TOPBP1: variants seen among roughly 807,000 people sequenced by gnomAD.
The protein encoded by TOPBP1 is DNA topoisomerase II binding protein 1.
Under a neutral mutation model 167.7 loss-of-function variants are expected in TOPBP1, and 28 were observed. The observed-to-expected ratio is 0.17, with a 90% CI of 0.12 to 0.23. The LOEUF is 0.23. TOPBP1 is among the 10% of genes least tolerant of loss of function. The probability of loss-of-function intolerance (pLI) is 1.00; values close to 1 mark genes in which losing one functional copy is unlikely to be tolerated. For synonymous variants in TOPBP1, 598 were observed against 611.4 expected, an observed-to-expected ratio of 0.98 and a Z score of 0.32; for missense variants, 1,554 against 1,809.6, an observed-to-expected ratio of 0.86 and a Z score of 2.56.
At chr3:133,661,233 A>C in intron 1 of TOPBP1, 99 bp from the exon 2 acceptor site, 1 of 817,180 alleles carries the variant, frequency 1.2e-6, no homozygotes, top group Non-Finnish European at 1.8e-6. Flanking sequence ...AGAATGCCTA[A>C]AGACAGACAT....
chr3:133,622,491 C>A (rs1033880707), intron 19 of TOPBP1, among the ~76,000 whole-genome samples: 2 of 151,730 alleles, frequency 1.3e-5, no homozygotes, highest in Non-Finnish European at 2.9e-5. Flanking sequence ...CCATGCCCAG[C>A]CTATGTGTTT....
At chr3:133,616,180 C>T (rs1934871596) in intron 23 of TOPBP1, among the ~76,000 whole-genome samples, 4 of 149,970 alleles carry the variant, frequency 2.7e-5, no homozygotes, top group Admixed American at 6.7e-5. Flanking sequence ...AGTACAGTGG[C>T]GCTATCTTGG....
Position 133,618,281 on chromosome 3 carries a change from A to C in TOPBP1, c.3524T>G (p.Val1175Gly), listed in dbSNP as rs768776895. 27 of 1,613,868 alleles carry C rather than the reference A, an allele frequency of 1.7e-5. No homozygotes were observed. Among genetic ancestry groups the C allele is most frequent in the Non-Finnish European group, 2.3e-5 (27 of 1,179,876 alleles). ...AGAATCCTCCAAGTTTTGAATGTCA[A>C]CCTGAAGCTCAGAGTATTGTGTGGG... ...SCPTQYSELQ[V>G]DIQNLEDSPF... Residue 1175 changes from valine to glycine, a missense_variant, in exon 21 of 28, where the codon GTT becomes GGT. Physicochemically the swap from Val to Gly is moderately radical, Grantham distance 109. This residue lies in a region of TOPBP1 where 351 missense variants were observed against 432.9 expected (regional missense o/e 0.81). Coordinates refer to ENST00000260810, the MANE Select transcript of TOPBP1 (RefSeq NM_007027.4).
At chr3:133,658,836 A>G (rs761696236) in intron 3 of TOPBP1, among the ~76,000 whole-genome samples, 180 bp downstream of exon 3, 2 of 152,122 alleles carry the variant, frequency 1.3e-5, no homozygotes, top group Non-Finnish European at 2.9e-5. Flanking sequence ...CAAACAAACA[A>G]ACAAAAAAAG....
intron 14 of TOPBP1, among the ~76,000 whole-genome samples, chr3:133,633,987 A>G (rs987254299): frequency 1.3e-5 from 2 of 152,172 alleles, no homozygotes; most frequent in Admixed American, 6.5e-5. Context: ...TCTAATAGGC[A>G]TCTCAAACTT....
At chr3:133,661,592 G>C (rs9865536) in intron 1 of TOPBP1, among the ~76,000 whole-genome samples, 177 bp downstream of exon 1, 12,396 of 152,272 alleles carry the variant, frequency 0.081, 519 homozygotes, top group Middle Eastern at 0.13. Context: ...CCATCTCCAG[G>C]AAAAGGCCTG....
At chr3:133,628,261 T>C (rs1935332512) in intron 16 of TOPBP1, 101 bp downstream of exon 16, 3 of 1,102,312 alleles carry the variant, frequency 2.7e-6, no homozygotes, top group African/African-American at 1.6e-5. Flanking sequence ...TAAAGATGCA[T>C]GAAACAAAAT....
chr3:133,640,982 G>A (rs908668654), intron 12 of TOPBP1, among the ~76,000 whole-genome samples: 2 of 152,168 alleles, frequency 1.3e-5, no homozygotes, highest in African/African-American at 4.8e-5. Flanking sequence ...TCTACGACTT[G>A]AGATTGAACA....
chr3:133,642,945 A>AATGTCC (rs1395153243), intron 12 of TOPBP1, among the ~76,000 whole-genome samples: 1 of 152,190 alleles, frequency 6.6e-6, no homozygotes, highest in Non-Finnish European at 1.5e-5. Flanking sequence ...GTCACAACTT[A>AATGTCC]AACACTATTT....
At chr3:133,649,987 C>T (rs1464793542) in intron 8 of TOPBP1, 44 bp from the exon 9 acceptor site, 3 of 1,441,084 alleles carry the variant, frequency 2.1e-6, no homozygotes, top group African/African-American at 2.9e-5. Context: ...TGCTTTCTCT[C>T]AATAGAAAAA....
chr3:133,655,018 C>A (rs1042092265), intron 6 of TOPBP1, among the ~76,000 whole-genome samples: 45 of 152,076 alleles, frequency 3.0e-4, no homozygotes, highest in Non-Finnish European at 5.7e-4. Flanking sequence ...ACCAGTCTGG[C>A]CAACATGGTG....
At position 133,624,114 on chromosome 3, in the gene TOPBP1, G is replaced by A. The variant is rs1470386816; in HGVS notation, c.2866C>T (p.Arg956Trp). 4.3e-6 allele frequency: 7 copies of A among 1,613,612 alleles called. No individual in the cohort carries two copies. Among genetic ancestry groups the A allele is most frequent in the South Asian group, 2.2e-5 (2 of 91,074 alleles). ...IYQGRPNDTN[R>W]EYKSVKERGV... ...CTTTCTTTTACAGATTTATACTCCC[G>A]ATTAGTGTCATTTGGCCGCCCTTGA... Residue 956 changes from arginine (R) to tryptophan (W), a missense_variant, in exon 17 of 28, where the codon CGG becomes TGG. By Grantham distance (101) the Arg-to-Trp change is moderately radical. Transcript: ENST00000260810.
chr3:133,604,091 T>C (rs1019672039), intron 27 of TOPBP1, among the ~76,000 whole-genome samples: 3 of 152,004 alleles, frequency 2.0e-5, no homozygotes, highest in African/African-American at 7.2e-5. Context: ...CAGTTATAAA[T>C]GAACACAAGT....
At chr3:133,637,377 A>T (rs1040724398) in intron 14 of TOPBP1, among the ~76,000 whole-genome samples, 2 of 152,214 alleles carry the variant, frequency 1.3e-5, no homozygotes, top group Non-Finnish European at 2.9e-5. Context: ...AGATCAAACT[A>T]AAACACAGAC....
chr3:133,654,432 TGA>T (rs1159301222), intron 6 of TOPBP1, among the ~76,000 whole-genome samples: 1 of 152,218 alleles, frequency 6.6e-6, no homozygotes, highest in East Asian at 1.9e-4. Flanking sequence ...TTGGCATTCT[TGA>T]GAGAATCAAC....
chr3:133,635,594 GA>G (rs755098603), intron 14 of TOPBP1, among the ~76,000 whole-genome samples: 3 of 152,158 alleles, frequency 2.0e-5, no homozygotes, highest in African/African-American at 7.2e-5. Context: ...TTGTAAGTTA[GA>G]AATTATTTTG....
In TOPBP1 at chr3:133,656,039, G is replaced by A. The variant is rs577905964; in HGVS notation, c.546-553C>T. Reference sequence around the variant, plus strand: ...GCCCAGAAAAGTGCCGATATAATTCGTATGCCAATACAATTCTGTGGTGTT... The same window carrying A: ...GCCCAGAAAAGTGCCGATATAATTCATATGCCAATACAATTCTGTGGTGTT... On this transcript the variant is annotated intron_variant, in intron 5 of 27. Coordinates refer to ENST00000260810, the MANE Select transcript of TOPBP1 (RefSeq NM_007027.4). Among the ~76,000 whole-genome samples the A allele has an allele frequency of 1.2e-3, 181 of 151,454 alleles. 1 individual carries two copies. Among genetic ancestry groups the A allele is most frequent in the African/African-American group, 4.3e-3 (178 of 41,242 alleles).
chr3:133,616,799 G>C lies in TOPBP1; in HGVS notation c.3871+15C>G. ...ATTATATGGGACATTTTGGATTTAA[G>C]TAAAATACTGGTACCTAGTTTCTCA... On this transcript the variant is annotated intron_variant, in intron 23 of 27. Coordinates refer to ENST00000260810, the MANE Select transcript of TOPBP1 (RefSeq NM_007027.4). 7.0e-7 allele frequency: 1 copy of C among 1,433,490 alleles called. No individual in the cohort carries two copies. Among genetic ancestry groups the C allele is most frequent in the Non-Finnish European group, 9.3e-7 (1 of 1,074,446 alleles). 88.8% of individuals were successfully genotyped at this position (1,433,490 alleles called of 1,614,324 possible). A position where few individuals can be genotyped will look rare whatever the true frequency, so the allele number is the denominator to read the frequency against.
At chr3:133,626,834 G>A (rs765659210) in intron 16 of TOPBP1, among the ~76,000 whole-genome samples, 5 of 152,122 alleles carry the variant, frequency 3.3e-5, no homozygotes, top group Admixed American at 2.0e-4. Context: ...AATTATAAAA[G>A]TAGGTAGGTT....
Sources: gnomAD v4.1 joint callset for allele counts (sites outside exome capture counted in the v4.1 genomes callset) on GRCh38, gnomAD v4.1.1 for gene constraint, gnomAD v4.1.1 regional missense constraint, MANE v1.5 for transcripts, NCBI Gene and HGNC (gene_info 2026-07-23, HGNC 2026-07-21) for gene names.